The following EXOC4 variants were observed in gnomAD, a reference collection of about 807,000 sequenced individuals.
EXOC4 encodes the protein exocyst complex component 4.
A neutral mutation model predicts 107.2 loss-of-function variants in EXOC4; 71 were observed. That is an observed-to-expected ratio of 0.66 (90% confidence interval 0.55 to 0.81). The LOEUF (loss-of-function observed/expected upper bound fraction) is 0.81. Among genes scored for constraint, EXOC4 ranks in the 30% least tolerant of loss-of-function variants. EXOC4 has a pLI of 0.00. For missense variants in EXOC4, 1,108 were observed against 1,189.6 expected (o/e 0.93, Z 1.01); for synonymous variants, 456 against 441.2 (o/e 1.03, Z -0.42).
chr7:133,999,505 T>G (rs1271515207), intron 15 of EXOC4, among the ~76,000 whole-genome samples: 1 of 152,202 alleles, frequency 6.6e-6, no homozygotes, highest in Admixed American at 6.5e-5. Flanking sequence ...AATAAAGCTC[T>G]TTCTGTATAT....
intron 16 of EXOC4, among the ~76,000 whole-genome samples, chr7:134,006,982 T>TGG (rs112616283): frequency 6.6e-6 from 1 of 152,078 alleles, no homozygotes; most frequent in African/African-American, 2.4e-5. Context: ...AAACTACTTG[T>TGG]GGGGGGGCCC....
At chr7:133,491,936 A>T (rs79048513) in intron 9 of EXOC4, among the ~76,000 whole-genome samples, 2,205 of 152,244 alleles carry the variant, frequency 0.014, 64 homozygotes, top group African/African-American at 0.05. Flanking sequence ...GAAATATTTT[A>T]TTGTGGTTAA....
At chr7:133,475,978 A>C (rs17597439) in intron 8 of EXOC4, among the ~76,000 whole-genome samples, 22,041 of 152,110 alleles carry the variant, frequency 0.14, 1,992 homozygotes, top group Non-Finnish European at 0.2. Flanking sequence ...CAAAGTGTAT[A>C]TCTCTTGGCA....
chr7:133,900,196 C>G (rs893012443), intron 12 of EXOC4, among the ~76,000 whole-genome samples: 2 of 152,062 alleles, frequency 1.3e-5, no homozygotes, highest in Non-Finnish European at 2.9e-5. Flanking sequence ...AAGATTCTAC[C>G]TTTCATGTGC....
chr7:134,022,456 A>G (rs1795050908), intron 17 of EXOC4, among the ~76,000 whole-genome samples: 1 of 152,208 alleles, frequency 6.6e-6, no homozygotes. Flanking sequence ...AGAGGGGAAG[A>G]ATTGGCTTTC....
intron 17 of EXOC4, among the ~76,000 whole-genome samples, chr7:134,060,890 A>G (rs1796042213): frequency 6.6e-6 from 1 of 152,188 alleles, no homozygotes; most frequent in African/African-American, 2.4e-5. Context: ...TACACCATCA[A>G]TTACCTGTCA....
chr7:133,984,913 C>T (rs1794078852), intron 14 of EXOC4, among the ~76,000 whole-genome samples: 1 of 152,100 alleles, frequency 6.6e-6, no homozygotes, highest in South Asian at 2.1e-4. Context: ...AAATTATATT[C>T]CTCTGGGAAG....
intron 7 of EXOC4, among the ~76,000 whole-genome samples, chr7:133,376,883 A>G (rs1325965673): frequency 6.6e-6 from 1 of 152,170 alleles, no homozygotes; most frequent in Non-Finnish European, 1.5e-5. Context: ...ATCTTGATCC[A>G]CCTGTAAATT....
chr7:133,966,494 C>T (rs1458717320), intron 14 of EXOC4, among the ~76,000 whole-genome samples: 3 of 152,078 alleles, frequency 2.0e-5, no homozygotes, highest in Non-Finnish European at 2.9e-5. Flanking sequence ...TTTTGAGGTA[C>T]GTTCCATCAG....
At chr7:133,962,977 G>A (rs1800980545) in intron 14 of EXOC4, among the ~76,000 whole-genome samples, 1 of 152,246 alleles carries the variant, frequency 6.6e-6, no homozygotes, top group Non-Finnish European at 1.5e-5. Context: ...CAGATGTATT[G>A]TGATCCAAAG....
At chr7:133,257,307 GAC>G (rs1795040718) in intron 1 of EXOC4, among the ~76,000 whole-genome samples, 1 of 152,042 alleles carries the variant, frequency 6.6e-6, no homozygotes, top group South Asian at 2.1e-4. Flanking sequence ...CACACACACA[GAC>G]ACACACCTAC....
At chr7:133,628,372 T>C (rs1802507097) in intron 9 of EXOC4, among the ~76,000 whole-genome samples, 1 of 152,214 alleles carries the variant, frequency 6.6e-6, no homozygotes, top group African/African-American at 2.4e-5. Context: ...GGGGCCTTTA[T>C]AGCTAAACTT....
At chr7:133,403,783 T>C (rs1187296731) in intron 7 of EXOC4, among the ~76,000 whole-genome samples, 1 of 152,084 alleles carries the variant, frequency 6.6e-6, no homozygotes, top group Non-Finnish European at 1.5e-5. Context: ...TTTTTAAAAT[T>C]AGCCAGGTAT....
At chr7:133,644,353 T>C (rs901565766) in intron 10 of EXOC4, among the ~76,000 whole-genome samples, 3 of 152,206 alleles carry the variant, frequency 2.0e-5, no homozygotes, top group Non-Finnish European at 4.4e-5. Flanking sequence ...ACCCCTGCCA[T>C]CTTGGGATGC....
intron 7 of EXOC4, among the ~76,000 whole-genome samples, chr7:133,395,312 T>C (rs1471829135): frequency 6.6e-6 from 1 of 152,128 alleles, no homozygotes; most frequent in African/African-American, 2.4e-5. Context: ...TGTGAAGAGC[T>C]GTTGTTCATC....
At chr7:133,920,538 T>C (rs1372071940) in intron 13 of EXOC4, among the ~76,000 whole-genome samples, 4 of 152,240 alleles carry the variant, frequency 2.6e-5, no homozygotes, top group African/African-American at 9.6e-5. Context: ...TCAATGACAC[T>C]GTACCACTAC....
intron 17 of EXOC4, among the ~76,000 whole-genome samples, chr7:134,049,400 C>T (rs763608398): frequency 6.6e-6 from 1 of 152,214 alleles, no homozygotes; most frequent in Non-Finnish European, 1.5e-5. Context: ...CCCTTCCTTG[C>T]TCTTCCCCAC....
At chr7:133,912,147 A>G in intron 12 of EXOC4, among the ~76,000 whole-genome samples, 1 of 152,222 alleles carries the variant, frequency 6.6e-6, no homozygotes, top group East Asian at 1.9e-4. Context: ...TGGTTTGCCC[A>G]CCCCATTGTA....
intron 10 of EXOC4, among the ~76,000 whole-genome samples, chr7:133,697,254 G>GT (rs1314825959): frequency 1.3e-5 from 2 of 151,830 alleles, no homozygotes; most frequent in African/African-American, 2.4e-5. Context: ...CTTTGTCTCT[G>GT]TTTTTTTAAA....
Sources: allele counts gnomAD v4.1 joint callset (sites outside exome capture counted in the v4.1 genomes callset), GRCh38; gene constraint gnomAD v4.1.1; transcripts MANE v1.5; gene names NCBI Gene and HGNC (gene_info 2026-07-23, HGNC 2026-07-21).